BTBD8: variants seen among roughly 807,000 people sequenced by gnomAD.
The protein encoded by BTBD8 is BTB/POZ domain-containing protein 8.
BTBD8 carries 110 observed loss-of-function variants against 162.9 expected under a neutral mutation model. The ratio of observed to expected loss-of-function variants is 0.68; its 90% CI spans 0.58 to 0.79. The LOEUF (loss-of-function observed/expected upper bound fraction) is 0.79, where lower values mean the gene tolerates loss of function less well. BTBD8 is among the 30% of genes least tolerant of loss of function. The pLI, the probability that BTBD8 is intolerant of heterozygous loss-of-function variation, is 0.00. For missense variants in BTBD8, 1,905 were observed against 2,085.4 expected, an observed-to-expected ratio of 0.91 and a Z score of 1.68; for synonymous variants, 667 against 716.1, an observed-to-expected ratio of 0.93 and a Z score of 1.10.
chr1:92,089,557 C>A (rs1299963836), intron 2 of BTBD8, among the ~76,000 whole-genome samples: 1 of 152,114 alleles, frequency 6.6e-6, no homozygotes, highest in Non-Finnish European at 1.5e-5. Flanking sequence ...AGTTCGGGAG[C>A]CTGGGAAGTC....
At chr1:92,125,542 G>T (rs961053184) in intron 4 of BTBD8, 2 of 306,116 alleles carry the variant, frequency 6.5e-6, no homozygotes, top group Admixed American at 4.0e-5. Flanking sequence ...TCAGGAGAAT[G>T]AAATCTCTCC....
rs1334755277 is a variant in BTBD8 at position 92,118,892 on chromosome 1, GTGTGTGTGTC to G, written c.663-10785_663-10776del. 2.4e-5 allele frequency among the ~76,000 whole-genome samples: 2 copies of G among 84,014 alleles called. 1 individual carries two copies. Among genetic ancestry groups the G allele is most frequent in the African/African-American group, 8.8e-5 (2 of 22,700 alleles). 55.1% of individuals were successfully genotyped at this position (84,014 alleles called of 152,430 possible). A position where few individuals can be genotyped will look rare whatever the true frequency, so the allele number is the denominator to read the frequency against. On this transcript the variant is annotated intron_variant, in intron 4 of 17. Coordinates refer to ENST00000636805, the MANE Select transcript of BTBD8 (RefSeq NM_001376131.1). ...CTTGTGTCCCTTTTACTCCCTCAGTGTGTGTGTGTCTGTGTGTGTGTGTGTGTTGAGCATT... is the reference window on the plus strand; with the variant it reads ...CTTGTGTCCCTTTTACTCCCTCAGTGTGTGTGTGTGTGTGTGTTGAGCATT...
At chr1:92,145,229 T>C (rs1342243341) in intron 7 of BTBD8, among the ~76,000 whole-genome samples, 1 of 152,162 alleles carries the variant, frequency 6.6e-6, no homozygotes, top group Admixed American at 6.5e-5. Context: ...CATCCCAAAG[T>C]GTTGGGATTA....
At chr1:92,139,202 C>G in intron 5 of BTBD8, 148 bp from the exon 6 acceptor site, 1 of 727,742 alleles carries the variant, frequency 1.4e-6, no homozygotes, top group Non-Finnish European at 2.1e-6. Context: ...TAATGGTATA[C>G]CTGCATGGAT....
rs185383940 is a variant in BTBD8 at position 92,090,959 on chromosome 1, C to T, written c.347+2064C>T. Among the ~76,000 whole-genome samples, 8 of 152,270 alleles carry T rather than the reference C, an allele frequency of 5.3e-5. No individual in the cohort carries two copies. The East Asian group carries it at 1.5e-3, about 29-fold the overall frequency. On this transcript the variant is annotated intron_variant, in intron 2 of 17. Coordinates refer to ENST00000636805, the MANE Select transcript of BTBD8 (RefSeq NM_001376131.1). Reference sequence around the variant, plus strand: ...AAAAAAAAATTTTTTATTATGTAGTCTAGCTTATGTAATTTTTCTTTTGTC... The same window carrying T: ...AAAAAAAAATTTTTTATTATGTAGTTTAGCTTATGTAATTTTTCTTTTGTC...
intron 7 of BTBD8, among the ~76,000 whole-genome samples, chr1:92,146,765 C>T (rs934085826): frequency 2.6e-5 from 4 of 152,110 alleles, no homozygotes; most frequent in Non-Finnish European, 5.9e-5. Context: ...AAGATCCCCC[C>T]ATGTCTTTTC....
chr1:92,177,882 A>G lies in BTBD8; in HGVS notation c.2425A>G (p.Thr809Ala). Reference sequence around the variant, plus strand: ...TAAAAAAAGTATTCATGAACAAGACACTAATGTAAATAACAGGTAGGTCTT... The same window carrying G: ...TAAAAAAAGTATTCATGAACAAGACGCTAATGTAAATAACAGGTAGGTCTT... Reference protein sequence around the residue: ...SNKKSIHEQDTNVNNSVLKKV... With the variant: ...SNKKSIHEQDANVNNSVLKKV... Residue 809 changes from threonine to alanine, a missense_variant, in exon 15 of 18, where the codon ACT becomes GCT. Thr to Ala is a moderately conservative substitution (Grantham distance 58, BLOSUM62 0). Transcript: ENST00000636805. The G allele has an allele frequency of 6.6e-7, 1 of 1,522,070 alleles. No homozygotes were observed. The highest frequency in any genetic ancestry group is 2.0e-5 in the Admixed American group (1 of 50,748). The allele number at this position is 1,522,070 out of a possible 1,614,324, so 94.3% of individuals were successfully genotyped here.
At chr1:92,173,423 CA>C (rs1056615463) in intron 13 of BTBD8, among the ~76,000 whole-genome samples, 14 of 152,170 alleles carry the variant, frequency 9.2e-5, no homozygotes, top group Non-Finnish European at 4.4e-5. Context: ...TGCACTAGGA[CA>C]TTTTTTTCTG....
intron 4 of BTBD8, among the ~76,000 whole-genome samples, chr1:92,117,234 T>C (rs1649067201): frequency 2.0e-5 from 3 of 152,162 alleles, no homozygotes; most frequent in Admixed American, 2.0e-4. Flanking sequence ...TCTTTTAATG[T>C]TCACATTTTG....
intron 12 of BTBD8, among the ~76,000 whole-genome samples, chr1:92,170,562 G>A (rs993213054): frequency 1.1e-4 from 16 of 152,110 alleles, no homozygotes; most frequent in African/African-American, 3.6e-4. Flanking sequence ...ATAGAATAGA[G>A]ATCATGGAAG....
At position 92,169,410 on chromosome 1, in the gene BTBD8, G is replaced by T. The variant is rs376618921; in HGVS notation, c.1573+415G>T. ...ATAAGACACCCTTTCTTGTGGTTTT[G>T]CCTGGAATAGATGGCTTTATTTCAC... On this transcript the variant is annotated intron_variant, in intron 12 of 17. Coordinates refer to ENST00000636805, the MANE Select transcript of BTBD8 (RefSeq NM_001376131.1). 5.3e-5 allele frequency among the ~76,000 whole-genome samples: 8 copies of T among 152,096 alleles called. No individual in the cohort carries two copies. In the East Asian group the frequency reaches 5.8e-4, roughly 11 times the overall value.
chr1:92,159,333 G>C (rs1409263574), intron 9 of BTBD8, among the ~76,000 whole-genome samples: 1 of 151,812 alleles, frequency 6.6e-6, no homozygotes, highest in Non-Finnish European at 1.5e-5. Context: ...TGCCACCACA[G>C]CTAGCTAATT....
chr1:92,080,501 C>CCCTTCTTCCT lies in BTBD8; in HGVS notation c.-67_-58dup, dbSNP rs1647969538. The CCCTTCTTCCT allele has an allele frequency of 1.9e-6, 3 of 1,579,534 alleles. No individual in the cohort carries two copies. The highest frequency in any genetic ancestry group is 1.9e-5 in the Admixed American group (1 of 51,306). On this transcript the variant is annotated 5_prime_UTR_variant, in exon 1 of 18. Transcript: ENST00000636805. ...AGCCGAGCGTTCGGTCGGAAACGCC[C>CCCTTCTTCCT]CCTTCTTCCTCCTGGGCGGGGCAAG...
chr1:92,154,391 A>C (rs1167489954), intron 9 of BTBD8, among the ~76,000 whole-genome samples: 1 of 152,156 alleles, frequency 6.6e-6, no homozygotes, highest in Non-Finnish European at 1.5e-5. Flanking sequence ...ACCATTTTGC[A>C]TTCCTGCCAG....
rs1650879842 is a variant in BTBD8, at chr1:92,180,963, G to T, written c.3280G>T (p.Val1094Phe). The T allele has an allele frequency of 1.9e-6, 3 of 1,551,658 alleles. No individual in the cohort carries two copies. Among genetic ancestry groups the T allele is most frequent in the Non-Finnish European group, 2.6e-6 (3 of 1,147,000 alleles). ...TAGCACCACAGCCCTAAAATACATG[G>T]TTTCAAATCCAAATGAAAACTCCTT... ...FYSTTALKYM[V>F]SNPNENSLNS... Residue 1094 changes from valine (V) to phenylalanine (F), a missense_variant, in exon 17 of 18, where the codon GTT (valine) becomes TTT (phenylalanine). By Grantham distance (50) the Val-to-Phe change is conservative (BLOSUM62 -1). This residue lies in a region of BTBD8 where 1,374 missense variants were observed against 1,442.7 expected (regional missense o/e 0.95). Transcript: ENST00000636805.
In BTBD8 at chr1:92,180,463, A is replaced by G; in HGVS notation, c.2780A>G (p.Lys927Arg). ...VAMPKNLNQS[K>R]KGETLNNKDS... ...ATGCCTAAAAATCTAAATCAGTCAA[A>G]GAAAGGTGAAACTTTGAATAATAAA... The change falls in exon 17 of 18, where the codon AAG (lysine) becomes AGG (arginine). Residue 927 changes from lysine to arginine, a missense_variant. Physicochemically the swap from Lys to Arg is conservative, Grantham distance 26. Transcript: ENST00000636805. 2 of 1,550,996 alleles carry G rather than the reference A, an allele frequency of 1.3e-6. No homozygotes were observed. Among genetic ancestry groups the G allele is most frequent in the Non-Finnish European group, 1.7e-6 (2 of 1,146,700 alleles).
chr1:92,166,813 T>C, intron 9 of BTBD8, 145 bp from the exon 10 acceptor site: 1 of 775,360 alleles, frequency 1.3e-6, no homozygotes, highest in Non-Finnish European at 2.0e-6. Context: ...ACATTATATG[T>C]AAAACTAATA....
intron 13 of BTBD8, among the ~76,000 whole-genome samples, chr1:92,176,057 C>T (rs1326274897): frequency 6.6e-6 from 1 of 152,032 alleles, no homozygotes; most frequent in East Asian, 1.9e-4. Flanking sequence ...TGTCCAAAAA[C>T]CAAGCTTTGC....
intron 1 of BTBD8, among the ~76,000 whole-genome samples, chr1:92,082,468 G>A (rs1219669923): frequency 6.6e-6 from 1 of 152,212 alleles, no homozygotes; most frequent in Non-Finnish European, 1.5e-5. Flanking sequence ...TTGTGGTGGG[G>A]TGAGTTGGGA....
Sources: gnomAD v4.1 joint callset for allele counts (sites outside exome capture counted in the v4.1 genomes callset) on GRCh38, gnomAD v4.1.1 for gene constraint, gnomAD v4.1.1 regional missense constraint, MANE v1.5 for transcripts, NCBI Gene and HGNC (gene_info 2026-07-23, HGNC 2026-07-21) for gene names.